Variants in FGF14 observed in about 807,000 individuals in gnomAD.
FGF14 encodes the protein fibroblast growth factor homologous factor 4.
A neutral mutation model predicts 25.5 loss-of-function variants in FGF14; 5 were observed. That is an observed-to-expected ratio of 0.20 (90% CI 0.10 to 0.41). The LOEUF (loss-of-function observed/expected upper bound fraction) is 0.41. Ranked by LOEUF, FGF14 falls within the 10% of genes least tolerant of loss-of-function variation. FGF14 has a pLI of 1.00. For missense variants in FGF14, 222 were observed against 320.1 expected (o/e 0.69, Z 2.34); for synonymous variants, 138 against 118.3 (o/e 1.17, Z -1.08).
At chr13:101,976,635 T>G (rs1484237680) in intron 1 of FGF14, among the ~76,000 whole-genome samples, 1 of 152,220 alleles carries the variant, frequency 6.6e-6, no homozygotes, top group Non-Finnish European at 1.5e-5. Flanking sequence ...TCTGCACAAC[T>G]TCTTAAATCT....
chr13:102,159,098 C>G (rs2047500601), intron 1 of FGF14, among the ~76,000 whole-genome samples: 1 of 146,926 alleles, frequency 6.8e-6, no homozygotes, highest in Non-Finnish European at 1.5e-5. Context: ...CAAGATCATG[C>G]CATTGCACTC....
At chr13:101,794,379 TG>T (rs890219219) in intron 3 of FGF14, among the ~76,000 whole-genome samples, 4 of 152,080 alleles carry the variant, frequency 2.6e-5, no homozygotes, top group Non-Finnish European at 5.9e-5. Flanking sequence ...ATATTCCTGT[TG>T]GGTAGACTTT....
chr13:101,995,094 T>C (rs1196914270), intron 1 of FGF14, among the ~76,000 whole-genome samples: 3 of 152,170 alleles, frequency 2.0e-5, no homozygotes, highest in African/African-American at 7.2e-5. Context: ...GAATAGAGCA[T>C]ATTGTTAAAG....
At chr13:102,255,115 T>A (rs1202456287) in intron 1 of FGF14, among the ~76,000 whole-genome samples, 2 of 152,192 alleles carry the variant, frequency 1.3e-5, no homozygotes, top group Non-Finnish European at 2.9e-5. Context: ...AGAAAGATAA[T>A]GCAGACCACC....
upstream of FGF14, among the ~76,000 whole-genome samples, chr13:101,917,427 G>A (rs2033645372): frequency 2.0e-5 from 3 of 152,278 alleles, no homozygotes; most frequent in South Asian, 4.1e-4. Context: ...GTGCTAAGAG[G>A]CCGAGCCAAA....
intron 1 of FGF14, among the ~76,000 whole-genome samples, chr13:102,158,637 T>A (rs978099209): frequency 6.6e-6 from 1 of 151,978 alleles, no homozygotes; most frequent in Admixed American, 6.6e-5. Context: ...GACCTGCACA[T>A]TGTGCACATG....
At chr13:102,000,421 A>T (rs1483628705) in intron 1 of FGF14, among the ~76,000 whole-genome samples, 1 of 152,216 alleles carries the variant, frequency 6.6e-6, no homozygotes, top group Non-Finnish European at 1.5e-5. Flanking sequence ...GTACATTATG[A>T]TGCAAATATC....
intron 1 of FGF14, among the ~76,000 whole-genome samples, chr13:101,912,213 T>C (rs2033015178): frequency 6.6e-6 from 1 of 152,096 alleles, no homozygotes; most frequent in Admixed American, 6.6e-5. Flanking sequence ...GAAAACACAT[T>C]TTAAGTACCT....
chr13:102,161,667 G>C (rs1566765490), intron 1 of FGF14, among the ~76,000 whole-genome samples: 21 of 49,002 alleles, frequency 4.3e-4, no homozygotes, highest in African/African-American at 1.4e-3. Context: ...AGAAGAAGAA[G>C]AAGAAGAAGA....
chr13:101,771,286 C>A (rs1050106986), intron 3 of FGF14, among the ~76,000 whole-genome samples: 5 of 151,924 alleles, frequency 3.3e-5, no homozygotes, highest in African/African-American at 1.2e-4. Flanking sequence ...AAAGCTTTGG[C>A]AAATACATTG....
At chr13:101,744,498 G>A (rs1295952557) in intron 3 of FGF14, among the ~76,000 whole-genome samples, 2 of 152,038 alleles carry the variant, frequency 1.3e-5, no homozygotes, top group African/African-American at 4.8e-5. Flanking sequence ...GACTTTGTCA[G>A]TCACCTTTGC....
chr13:102,161,689 A>G (rs757082754), intron 1 of FGF14, among the ~76,000 whole-genome samples: 1 of 72,648 alleles, frequency 1.4e-5, no homozygotes, highest in Non-Finnish European at 3.0e-5. Context: ...GAAGAAGAAG[A>G]AGAAGAAGAA....
intron 3 of FGF14, among the ~76,000 whole-genome samples, chr13:101,860,528 C>T (rs2044360453): frequency 6.6e-6 from 1 of 151,972 alleles, no homozygotes; most frequent in South Asian, 2.1e-4. Context: ...TAGTTTAGAC[C>T]TTGGTCACCA....
At chr13:102,019,029 A>G (rs549921071) in intron 1 of FGF14, among the ~76,000 whole-genome samples, 32 of 152,260 alleles carry the variant, frequency 2.1e-4, no homozygotes, top group African/African-American at 7.5e-4. Flanking sequence ...TCAGTCCTCT[A>G]TAAATACCAA....
chr13:102,123,166 A>G (rs1215949729), intron 1 of FGF14, among the ~76,000 whole-genome samples: 1 of 152,138 alleles, frequency 6.6e-6, no homozygotes, highest in African/African-American at 2.4e-5. Context: ...TGGTATACCA[A>G]AACCAAATCA....
rs977540333 is a variant in FGF14, at chr13:101,907,083, C to T, written c.193+9370G>A. 7.9e-5 allele frequency among the ~76,000 whole-genome samples: 12 copies of T among 152,156 alleles called. No individual in the cohort carries two copies. The East Asian group carries it at 1.9e-3, about 24-fold the overall frequency. On this transcript the variant is annotated intron_variant, in intron 1 of 4. Coordinates refer to ENST00000376143, the MANE Select transcript of FGF14 (RefSeq NM_004115.4). Reference sequence around the variant, plus strand: ...GTAATTAAGGAGTCTGAAAAGCAGCCGTTGCTTAATCACAAATCTATTATA... The same window carrying T: ...GTAATTAAGGAGTCTGAAAAGCAGCTGTTGCTTAATCACAAATCTATTATA...
At chr13:101,918,024 T>A (rs2033703794), upstream of FGF14, among the ~76,000 whole-genome samples, 1 of 152,160 alleles carries the variant, frequency 6.6e-6, no homozygotes, top group Non-Finnish European at 1.5e-5. Context: ...CTGGTGTCCC[T>A]GGGCAAAGAA....
At chr13:102,143,888 T>G (rs2046747906) in intron 1 of FGF14, among the ~76,000 whole-genome samples, 3 of 152,164 alleles carry the variant, frequency 2.0e-5, no homozygotes, top group South Asian at 4.1e-4. Context: ...GTTTACAGAT[T>G]CCATAGAATC....
chr13:102,244,916 T>C (rs1420660055), intron 1 of FGF14, among the ~76,000 whole-genome samples: 4 of 152,058 alleles, frequency 2.6e-5, no homozygotes, highest in African/African-American at 9.7e-5. Context: ...AATTTCACAA[T>C]AGTAGCCTTT....
Sources: gnomAD v4.1 joint callset for allele counts (sites outside exome capture counted in the v4.1 genomes callset) on GRCh38, gnomAD v4.1.1 for gene constraint, MANE v1.5 for transcripts, NCBI Gene and HGNC (gene_info 2026-07-23, HGNC 2026-07-21) for gene names.